The following MYRIP variants were observed in gnomAD, a reference collection of about 807,000 sequenced individuals.
MYRIP encodes the protein myosin VIIA and Rab interacting protein.
MYRIP carries 49 observed loss-of-function variants against 98.0 expected under a neutral mutation model. That is an observed-to-expected ratio of 0.50 (90% CI 0.40 to 0.63). The LOEUF (loss-of-function observed/expected upper bound fraction) is 0.63. MYRIP is among the 30% of genes least tolerant of loss of function. MYRIP has a pLI of 0.00. For missense variants in MYRIP, 1,004 were observed against 1,058.2 expected, an observed-to-expected ratio of 0.95 and a Z score of 0.71; for synonymous variants, 404 against 409.5, an observed-to-expected ratio of 0.99 and a Z score of 0.16.
At chr3:39,966,702 C>T (rs544710308) in intron 2 of MYRIP, among the ~76,000 whole-genome samples, 1 of 152,196 alleles carries the variant, frequency 6.6e-6, no homozygotes, top group Admixed American at 6.5e-5. Context: ...GAGTTGCCCT[C>T]ATAGGTGCCG....
intron 1 of MYRIP, among the ~76,000 whole-genome samples, chr3:39,872,251 G>A (rs1472623933): frequency 1.3e-5 from 2 of 151,182 alleles, no homozygotes; most frequent in African/African-American, 4.9e-5. Context: ...ATACGCTTTC[G>A]GTCTGATTTT....
In MYRIP at chr3:39,814,161, T is replaced by C. The variant is rs142284650; in HGVS notation, c.-31+4245T>C. Among the ~76,000 whole-genome samples the C allele has an allele frequency of 3.3e-5, 5 of 152,332 alleles. No homozygotes were observed. In the East Asian group the frequency reaches 9.7e-4, roughly 29 times the overall value. ...GAACAACTGAGTAGTAGGATATGTA[T>C]GCTTAAATCAACATTCATCTGTTAT... On this transcript the variant is annotated intron_variant, in intron 1 of 16. Transcript: ENST00000302541.
intron 12 of MYRIP, among the ~76,000 whole-genome samples, chr3:40,241,954 A>C (rs1385563279): frequency 6.6e-6 from 1 of 152,224 alleles, no homozygotes; most frequent in African/African-American, 2.4e-5. Flanking sequence ...TAACCATAGT[A>C]ACTCTAGTAC....
chr3:40,143,745 G>T (rs1171835448), intron 3 of MYRIP, among the ~76,000 whole-genome samples: 2 of 152,164 alleles, frequency 1.3e-5, no homozygotes, highest in Non-Finnish European at 2.9e-5. Flanking sequence ...ATTAAATCAA[G>T]CTAGTTAACA....
At chr3:40,027,310 C>T (rs1026917637) in intron 2 of MYRIP, among the ~76,000 whole-genome samples, 3 of 152,166 alleles carry the variant, frequency 2.0e-5, no homozygotes, top group African/African-American at 7.2e-5. Context: ...AAGATGACTG[C>T]AGTGCTCCCC....
chr3:40,173,890 C>T (rs1427131085), intron 8 of MYRIP: 5 of 152,210 alleles, frequency 3.3e-5, no homozygotes, highest in Non-Finnish European at 7.3e-5. Context: ...TATGCTTTGA[C>T]ATCAATGTAA....
chr3:40,034,821 C>G (rs960241479), intron 2 of MYRIP, among the ~76,000 whole-genome samples: 30 of 151,874 alleles, frequency 2.0e-4, no homozygotes, highest in African/African-American at 7.0e-4. Context: ...TTGGAACCAA[C>G]CCAAATGTCC....
At chr3:39,945,107 C>G (rs1056127998) in intron 2 of MYRIP, among the ~76,000 whole-genome samples, 1 of 151,814 alleles carries the variant, frequency 6.6e-6, no homozygotes, top group African/African-American at 2.4e-5. Context: ...GGAAATTAAG[C>G]CACATGCTTA....
chr3:40,210,058 G>C lies in MYRIP; in HGVS notation c.1870G>C (p.Asp624His). The C allele has an allele frequency of 6.2e-7, 1 of 1,614,030 alleles. No individual in the cohort carries two copies. The highest frequency in any genetic ancestry group is 8.5e-7 in the Non-Finnish European group (1 of 1,179,944). ...CCAGAAGGAAAGTCTGTCCTCTGAA[G>C]ACAACAGCCAGAGTGTCCAGGAAGA... is the stretch of plus-strand genomic sequence containing the variant. ...ENQKESLSSE[D>H]NSQSVQEELK... The change falls in exon 11 of 17, where the codon GAC becomes CAC. Residue 624 changes from aspartate (D) to histidine (H), a missense_variant. Physicochemically the swap from Asp to His is moderately conservative, Grantham distance 81. Transcript: ENST00000302541.
intron 2 of MYRIP, among the ~76,000 whole-genome samples, chr3:39,973,609 G>T (rs1945660550): frequency 6.6e-6 from 1 of 152,164 alleles, no homozygotes; most frequent in Non-Finnish European, 1.5e-5. Context: ...GTTCTTCTCA[G>T]CACCACACCA....
chr3:40,001,117 A>G (rs1023636817), intron 2 of MYRIP, among the ~76,000 whole-genome samples: 3 of 152,254 alleles, frequency 2.0e-5, no homozygotes, highest in African/African-American at 7.2e-5. Flanking sequence ...TTTAACAAGC[A>G]TAACTATCCT....
chr3:40,101,145 G>A (rs1209615713), intron 3 of MYRIP, among the ~76,000 whole-genome samples: 2 of 151,926 alleles, frequency 1.3e-5, no homozygotes, highest in Non-Finnish European at 1.5e-5. Flanking sequence ...CTATGAAAAG[G>A]TTTTGTTTTC....
chr3:39,820,993 A>C lies in MYRIP; in HGVS notation c.-31+11077A>C, dbSNP rs1220720968. On this transcript the variant is annotated intron_variant, in intron 1 of 16. Transcript: ENST00000302541. ...TGCTGCTGATGGTGGATGGGGATGCAATGCTGACATTTTCCCCTTCTCTTT... is the reference window on the plus strand; with the variant it reads ...TGCTGCTGATGGTGGATGGGGATGCCATGCTGACATTTTCCCCTTCTCTTT... Among the ~76,000 whole-genome samples the C allele has an allele frequency of 2.0e-5, 3 of 152,236 alleles. No homozygotes were observed. In the South Asian group the frequency reaches 6.2e-4, roughly 32 times the overall value.
intron 12 of MYRIP, among the ~76,000 whole-genome samples, chr3:40,243,437 T>G (rs1953089102): frequency 1.3e-5 from 2 of 150,142 alleles, no homozygotes; most frequent in African/African-American, 4.9e-5. Context: ...CTAGTGTACC[T>G]GAGCTCTTGA....
intron 7 of MYRIP, among the ~76,000 whole-genome samples, chr3:40,169,462 C>G (rs183035831): frequency 2.3e-3 from 347 of 152,304 alleles, no homozygotes; most frequent in Non-Finnish European, 4.0e-3. Context: ...ATTCTGGTGA[C>G]TCTTGGTGTC....
At chr3:39,852,053 A>G (rs965329117) in intron 1 of MYRIP, among the ~76,000 whole-genome samples, 9 of 152,134 alleles carry the variant, frequency 5.9e-5, no homozygotes, top group African/African-American at 2.2e-4. Flanking sequence ...GCAATCAACA[A>G]TTTAGCCCAC....
At chr3:39,952,876 A>G (rs903700412) in intron 2 of MYRIP, among the ~76,000 whole-genome samples, 7 of 152,144 alleles carry the variant, frequency 4.6e-5, no homozygotes, top group Non-Finnish European at 7.4e-5. Context: ...AGCCTCCCAC[A>G]TATGTACAGC....
intron 1 of MYRIP, among the ~76,000 whole-genome samples, chr3:39,847,851 C>A (rs1942014976): frequency 6.6e-6 from 1 of 152,140 alleles, no homozygotes; most frequent in Admixed American, 6.6e-5. Context: ...TCCCCCTCAC[C>A]CCCCAAGGAT....
intron 11 of MYRIP, among the ~76,000 whole-genome samples, chr3:40,229,392 T>C (rs1376910281): frequency 6.6e-6 from 1 of 152,158 alleles, no homozygotes; most frequent in Non-Finnish European, 1.5e-5. Flanking sequence ...TGAGATGAAT[T>C]GCGCAGGGCA....
Sources: gnomAD v4.1 joint callset for allele counts (sites outside exome capture counted in the v4.1 genomes callset) on GRCh38, gnomAD v4.1.1 for gene constraint, MANE v1.5 for transcripts, NCBI Gene and HGNC (gene_info 2026-07-23, HGNC 2026-07-21) for gene names.